PLCB1: variants seen among roughly 807,000 people sequenced by gnomAD.
PLCB1 encodes the protein 1-phosphatidylinositol 4,5-bisphosphate phosphodiesterase beta-1.
PLCB1 carries 46 observed loss-of-function variants against 161.8 expected under a neutral mutation model. That is an observed-to-expected ratio of 0.28 (90% CI 0.22 to 0.36). The LOEUF (loss-of-function observed/expected upper bound fraction) is 0.36, where lower values mean the gene tolerates loss of function less well. Among genes scored for constraint, PLCB1 ranks in the 10% least tolerant of loss-of-function variants. PLCB1 has a pLI of 1.00. For missense variants in PLCB1, 1,016 were observed against 1,472.5 expected (o/e 0.69, Z 5.07); for synonymous variants, 517 against 503.7 (o/e 1.03, Z -0.35).
Position 8,310,244 on chromosome 20 carries a change from G to C in PLCB1, c.178-61138G>C, listed in dbSNP as rs145619212. 5.3e-4 allele frequency among the ~76,000 whole-genome samples: 80 copies of C among 152,084 alleles called. No individual in the cohort carries two copies. In the Middle Eastern group the frequency reaches 0.014, roughly 26 times the overall value. On this transcript the variant is annotated intron_variant, in intron 2 of 31. Coordinates refer to ENST00000338037, the MANE Select transcript of PLCB1 (RefSeq NM_015192.4). ...AATCATGTTTTTAAAACAAATTATC[G>C]AAATCAGCTTTCTAATCAATTTGAA... is the stretch of plus-strand genomic sequence containing the variant.
intron 3 of PLCB1, among the ~76,000 whole-genome samples, chr20:8,495,767 C>T (rs747478606): frequency 6.6e-6 from 1 of 152,142 alleles, no homozygotes; most frequent in African/African-American, 2.4e-5. Flanking sequence ...GTTTTTCCTA[C>T]CTTAGGGACC....
At chr20:8,679,114 C>T (rs1446060966) in intron 9 of PLCB1, among the ~76,000 whole-genome samples, 2 of 152,164 alleles carry the variant, frequency 1.3e-5, no homozygotes, top group African/African-American at 2.4e-5. Context: ...TCAGTAAAAA[C>T]GTGTTCATTG....
intron 2 of PLCB1, among the ~76,000 whole-genome samples, chr20:8,160,958 G>T (rs1052354442): frequency 1.3e-5 from 2 of 151,974 alleles, no homozygotes; most frequent in African/African-American, 2.4e-5. Context: ...TAGGACGTTG[G>T]TACCTATTAT....
At chr20:8,762,004 A>G (rs1982064906) in intron 25 of PLCB1, among the ~76,000 whole-genome samples, 2 of 146,852 alleles carry the variant, frequency 1.4e-5, no homozygotes, top group South Asian at 2.3e-4. Context: ...TGAGGTCGGG[A>G]GTTCGAGACC....
rs191124631 is a variant in PLCB1 at position 8,149,760 on chromosome 20, A to C, written c.100-534A>C. ...AAACTCAGAAGACTATTTACCTATG[A>C]TGTTTTATTTTAGCATGTAAAATTG... On this transcript the variant is annotated intron_variant, in intron 1 of 31. Transcript: ENST00000338037. 4.5e-4 allele frequency among the ~76,000 whole-genome samples: 69 copies of C among 152,238 alleles called. No individual in the cohort carries two copies. The East Asian group carries it at 0.01, about 23-fold the overall frequency.
rs187645884 is a variant in PLCB1, at chr20:8,179,465, C to T, written c.177+29094C>T. ...TATTGTTGGTGTATAGAAATGCTAC[C>T]GAATTTCATACATTGATTTTGTATC... is the stretch of plus-strand genomic sequence containing the variant. On this transcript the variant is annotated intron_variant, in intron 2 of 31. Coordinates refer to ENST00000338037, the MANE Select transcript of PLCB1 (RefSeq NM_015192.4). Among the ~76,000 whole-genome samples, 4 of 152,066 alleles carry T rather than the reference C, an allele frequency of 2.6e-5. No individual in the cohort carries two copies. In the East Asian group the frequency reaches 5.8e-4, roughly 22 times the overall value.
At position 8,585,806 on chromosome 20, in the gene PLCB1, A is replaced by G. The variant is rs569814131; in HGVS notation, c.247-42488A>G. On this transcript the variant is annotated intron_variant, in intron 3 of 31. Coordinates refer to ENST00000338037, the MANE Select transcript of PLCB1 (RefSeq NM_015192.4). ...AAGTGACCAAATAGTATCTTTTTAT[A>G]AACTCAAATGTAGACACTATCTCCA... Among the ~76,000 whole-genome samples the G allele has an allele frequency of 3.3e-4, 50 of 152,302 alleles. No individual in the cohort carries two copies. The South Asian group carries it at 8.3e-3, about 25-fold the overall frequency.
At chr20:8,744,050 A>G (rs923306626) in intron 23 of PLCB1, among the ~76,000 whole-genome samples, 1 of 152,208 alleles carries the variant, frequency 6.6e-6, no homozygotes, top group African/African-American at 2.4e-5. Flanking sequence ...CTAAATAGAA[A>G]ACAGGACCTA....
chr20:8,826,573 A>T (rs1309200496), intron 31 of PLCB1, among the ~76,000 whole-genome samples: 1 of 151,934 alleles, frequency 6.6e-6, no homozygotes, highest in Non-Finnish European at 1.5e-5. Context: ...TAGGCCTAGG[A>T]TTATTCTAAA....
At chr20:8,224,600 A>C (rs1326017468) in intron 2 of PLCB1, among the ~76,000 whole-genome samples, 2 of 152,230 alleles carry the variant, frequency 1.3e-5, no homozygotes, top group Non-Finnish European at 2.9e-5. Context: ...AGCTTTAAAA[A>C]AAATTTTTAA....
intron 3 of PLCB1, among the ~76,000 whole-genome samples, chr20:8,447,299 TC>T (rs1420626820): frequency 6.6e-6 from 1 of 152,182 alleles, no homozygotes; most frequent in African/African-American, 2.4e-5. Flanking sequence ...ACTCACATCT[TC>T]CTCCGGTGCT....
At position 8,717,179 on chromosome 20, in the gene PLCB1, C is replaced by T. The variant is rs188092427; in HGVS notation, c.1336-492C>T. ...CATCCACTTCTGTTGATGCCAGGGA[C>T]GTGCAGCTAAACTACCTAGTACCAG... is the stretch of plus-strand genomic sequence containing the variant. On this transcript the variant is annotated intron_variant, in intron 13 of 31. Transcript: ENST00000338037. 9.9e-4 allele frequency among the ~76,000 whole-genome samples: 150 copies of T among 152,240 alleles called. No individual in the cohort carries two copies. In the Middle Eastern group the frequency reaches 0.01, roughly 10 times the overall value.
chr20:8,351,129 G>A (rs551608992), intron 2 of PLCB1, among the ~76,000 whole-genome samples: 4 of 152,192 alleles, frequency 2.6e-5, no homozygotes, highest in African/African-American at 9.6e-5. Context: ...AGAAAGCATG[G>A]TGTTGGCAAA....
intron 3 of PLCB1, among the ~76,000 whole-genome samples, chr20:8,455,840 C>T (rs976450245): frequency 2.0e-5 from 3 of 152,076 alleles, no homozygotes; most frequent in African/African-American, 7.2e-5. Flanking sequence ...TGGATGCTTA[C>T]GCAGATTTCC....
At chr20:8,422,568 T>C (rs1456425742) in intron 3 of PLCB1, among the ~76,000 whole-genome samples, 2 of 152,232 alleles carry the variant, frequency 1.3e-5, no homozygotes, top group African/African-American at 4.8e-5. Flanking sequence ...TGTCTATGAA[T>C]TATACCTCAA....
chr20:8,381,749 C>T (rs1259561409), intron 3 of PLCB1, among the ~76,000 whole-genome samples: 1 of 152,142 alleles, frequency 6.6e-6, no homozygotes, highest in Non-Finnish European at 1.5e-5. Context: ...TTATAGTATT[C>T]TCTGATGGTA....
At chr20:8,645,776 CTCTT>C (rs1222155510) in intron 4 of PLCB1, among the ~76,000 whole-genome samples, 62 of 152,218 alleles carry the variant, frequency 4.1e-4, no homozygotes, top group African/African-American at 1.1e-3. Context: ...TTTTTAATGA[CTCTT>C]TATCTGTTTA....
At chr20:8,202,807 C>T (rs148981493) in intron 2 of PLCB1, among the ~76,000 whole-genome samples, 38 of 152,114 alleles carry the variant, frequency 2.5e-4, no homozygotes, top group African/African-American at 9.2e-4. Flanking sequence ...AACAATGTGT[C>T]GAGGGAGCAC....
At chr20:8,370,711 G>A (rs1263782697) in intron 2 of PLCB1, among the ~76,000 whole-genome samples, 2 of 152,092 alleles carry the variant, frequency 1.3e-5, no homozygotes, top group East Asian at 3.8e-4. Context: ...CCCAACCATA[G>A]TAGTCAACTT....
Sources: gnomAD v4.1 joint callset for allele counts (sites outside exome capture counted in the v4.1 genomes callset) on GRCh38, gnomAD v4.1.1 for gene constraint, MANE v1.5 for transcripts, NCBI Gene and HGNC (gene_info 2026-07-23, HGNC 2026-07-21) for gene names.